Variants in H2BC5 observed in about 807,000 individuals in gnomAD.
H2BC5 encodes the protein histone H2B type 1-D.
H2BC5 carries 9 observed loss-of-function variants against 5.7 expected under a neutral mutation model. The observed-to-expected ratio is 1.57, with a 90% CI of 0.95 to 2.74. The LOEUF (loss-of-function observed/expected upper bound fraction) is 2.74. Among genes scored for constraint, H2BC5 ranks in the 30% most tolerant of loss-of-function variants. The pLI is 0.00. For synonymous variants in H2BC5, 133 were observed against 70.9 expected (o/e 1.88, Z -4.40); for missense variants, 175 against 168.8 (o/e 1.04, Z -0.20).
chr6:26,159,787 A>C (rs1205535180), downstream of H2BC5, among the ~76,000 whole-genome samples: 1 of 152,214 alleles, frequency 6.6e-6, no homozygotes, highest in African/African-American at 2.4e-5. Flanking sequence ...TACATTTTCC[A>C]TAACATGGCA....
downstream of H2BC5, among the ~76,000 whole-genome samples, chr6:26,159,251 T>G (rs1490484208): frequency 2.9e-5 from 4 of 138,548 alleles, no homozygotes; most frequent in East Asian, 6.2e-4. Flanking sequence ...AGGTTTTTTT[T>G]TTTTTTTTTT....
Position 26,158,126 on chromosome 6 carries a change from T to C in H2BC5, c.-44T>C, listed in dbSNP as rs761486063. ...AACAGGGCCTCGGCGGGAGTGATTA[T>C]TTTCTCAGGTGTTTGCAACAGTGTT... On this transcript the variant is annotated 5_prime_UTR_variant, in exon 1 of 1. Coordinates refer to ENST00000377777, the MANE Select transcript of H2BC5 (RefSeq NM_021063.4). 17 of 1,575,258 alleles carry C rather than the reference T, an allele frequency of 1.1e-5. No homozygotes were observed. The highest frequency in any genetic ancestry group is 1.2e-5 in the Non-Finnish European group (14 of 1,162,226).
At chr6:26,168,829 T>C (rs1355404488) in intron 1 of H2BC5, among the ~76,000 whole-genome samples, 5 of 152,320 alleles carry the variant, frequency 3.3e-5, no homozygotes, top group Middle Eastern at 3.4e-3. Context: ...AGCAGCTACT[T>C]TTTAAAAAAT....
In H2BC5 at chr6:26,158,457, G is replaced by T. The variant is rs747681852; in HGVS notation, c.288G>T (p.Gln96His). ...CGACCATCACCTCCAGGGAGATCCAGACGGCCGTGCGCCTGCTGCTTCCGG... is the reference window on the plus strand; with the variant it reads ...CGACCATCACCTCCAGGGAGATCCATACGGCCGTGCGCCTGCTGCTTCCGG... ...KRSTITSREI[Q>H]TAVRLLLPGE... The change falls in exon 1 of 1, where the codon CAG becomes CAT. Residue 96 changes from glutamine (Q) to histidine (H), a missense_variant. Transcript: ENST00000377777. 1 of 1,614,270 alleles carries T rather than the reference G, an allele frequency of 6.2e-7. No homozygotes were observed. Among genetic ancestry groups the T allele is most frequent in the Non-Finnish European group, 8.5e-7 (1 of 1,180,054 alleles).
downstream of H2BC5, chr6:26,160,773 G>GC (rs1764338282): frequency 6.6e-6 from 1 of 151,984 alleles, no homozygotes; most frequent in Admixed American, 6.6e-5. Context: ...GGAGGATGAG[G>GC]CAGGAGAATC....
At position 26,169,758 on chromosome 6, in the gene H2BC5, A is replaced by G. The variant is rs538746810; in HGVS notation, c.*10-1217A>G. On this transcript the variant is annotated intron_variant, in intron 1 of 1. Coordinates refer to the H2BC5 transcript ENST00000289316. ...GGCAGATCATGAGGTCAGGAGTTCC[A>G]GACCAGCCTGGCCAATATGGTGAAA... 5.9e-5 allele frequency among the ~76,000 whole-genome samples: 9 copies of G among 152,184 alleles called. No homozygotes were observed. The South Asian group carries it at 1.9e-3, about 32-fold the overall frequency.
chr6:26,159,250 T>TG (rs1764306088), downstream of H2BC5, among the ~76,000 whole-genome samples: 3 of 137,936 alleles, frequency 2.2e-5, no homozygotes. Flanking sequence ...TAGGTTTTTT[T>TG]TTTTTTTTTT....
In H2BC5 at chr6:26,158,591, CTT is replaced by C. The variant is rs778426157; in HGVS notation, c.*44_*45del. 5 of 1,598,252 alleles carry C rather than the reference CTT, an allele frequency of 3.1e-6. No homozygotes were observed. Among genetic ancestry groups the C allele is most frequent in the South Asian group, 2.2e-5 (2 of 89,210 alleles). ...ATCTTTACACCTAATCCCAAAGGCT[CTT>C]TTAAGAGCCACGCATGTTTTCAATA... is the stretch of plus-strand genomic sequence containing the variant. On this transcript the variant is annotated 3_prime_UTR_variant, in exon 1 of 1. Coordinates refer to ENST00000377777, the MANE Select transcript of H2BC5 (RefSeq NM_021063.4).
chr6:26,158,523 C>G lies in H2BC5; in HGVS notation c.354C>G (p.Ala118=), dbSNP rs541069056. ...ACGCCGTGTCGGAGGGCACCAAGGC[C>G]GTCACCAAGTACACCAGTTCCAAGT... ...AKHAVSEGTK[A]VTKYTSSK Residue 118 remains alanine, a synonymous_variant, in exon 1 of 1, where the codon GCC becomes GCG. Transcript: ENST00000377777. The G allele has an allele frequency of 1.9e-6, 3 of 1,614,268 alleles. No individual in the cohort carries two copies. Among genetic ancestry groups the G allele is most frequent in the East Asian group, 2.2e-5 (1 of 44,882 alleles).
At chr6:26,161,764 C>T (rs1764355058), downstream of H2BC5, among the ~76,000 whole-genome samples, 1 of 151,970 alleles carries the variant, frequency 6.6e-6, no homozygotes, top group South Asian at 2.1e-4. Flanking sequence ...GAGAGTGAGA[C>T]CTTGTCTCAA....
downstream of H2BC5, among the ~76,000 whole-genome samples, chr6:26,161,409 A>G (rs146952499): frequency 3.3e-3 from 506 of 152,282 alleles, 2 homozygotes; most frequent in African/African-American, 0.011. Context: ...AATTTAATAA[A>G]CTATGTAATC....
At chr6:26,166,311 A>G (rs1764422806) in intron 1 of H2BC5, among the ~76,000 whole-genome samples, 2 of 152,244 alleles carry the variant, frequency 1.3e-5, no homozygotes, top group South Asian at 2.1e-4. Context: ...CCATGTCTCA[A>G]ACCATGGTCT....
chr6:26,159,956 A>AC (rs1289156102), downstream of H2BC5, among the ~76,000 whole-genome samples: 1 of 152,212 alleles, frequency 6.6e-6, no homozygotes. Context: ...GTGGAAACTG[A>AC]CCAGGGTATA....
At chr6:26,163,223 C>T (rs1764375991), downstream of H2BC5, 1 of 151,980 alleles carries the variant, frequency 6.6e-6, no homozygotes, top group African/African-American at 2.4e-5. Context: ...AAACGATTCT[C>T]CTACCTCAGC....
chr6:26,161,516 A>T (rs902235410), downstream of H2BC5, among the ~76,000 whole-genome samples: 1 of 152,150 alleles, frequency 6.6e-6, no homozygotes, highest in African/African-American at 2.4e-5. Context: ...CATGCTTGTA[A>T]TCCCAGCACT....
Position 26,158,298 on chromosome 6 carries a change from C to T in H2BC5, c.129C>T (p.Tyr43=). 4 of 1,614,256 alleles carry T rather than the reference C, an allele frequency of 2.5e-6. No homozygotes were observed. The highest frequency in any genetic ancestry group is 1.1e-5 in the South Asian group (1 of 91,086). The part of the protein sequence containing the change: ...SRKESYSVYV[Y]KVLKQVHPDT... ...AGGAGAGCTATTCAGTGTATGTGTA[C>T]AAGGTGCTGAAGCAGGTCCATCCCG... Residue 43 remains tyrosine, a synonymous_variant, in exon 1 of 1, where the codon TAC becomes TAT. Coordinates refer to ENST00000377777, the MANE Select transcript of H2BC5 (RefSeq NM_021063.4).
At chr6:26,167,896 TA>T (rs1268147665) in intron 1 of H2BC5, among the ~76,000 whole-genome samples, 2 of 151,840 alleles carry the variant, frequency 1.3e-5, no homozygotes, top group African/African-American at 4.8e-5. Flanking sequence ...TATTTATTTT[TA>T]TTTTTTTATT....
In H2BC5 at chr6:26,163,744, C is replaced by T. The variant is rs151204040; in HGVS notation, c.*9+5185C>T. On this transcript the variant is annotated intron_variant, in intron 1 of 1. Transcript: ENST00000289316. ...CGCAATGCCTTTTGTGAACAAGATT[C>T]GAAACTTACACACTTCTGCCACACT... 682 of 153,674 alleles carry T rather than the reference C, an allele frequency of 4.4e-3. 7 individuals are homozygous for T. Among genetic ancestry groups the T allele is most frequent in the African/African-American group, 9.3e-3 (385 of 41,514 alleles). The allele number at this position is 153,674 out of a possible 1,614,324, so 9.5% of individuals were successfully genotyped here. A position where few individuals can be genotyped will look rare whatever the true frequency, so the allele number is the denominator to read the frequency against.
chr6:26,158,624 G>C (rs1764284206), downstream of H2BC5: 3 of 1,571,616 alleles, frequency 1.9e-6, no homozygotes, highest in Non-Finnish European at 2.6e-6. Flanking sequence ...CAATAAATGA[G>C]TTGTAATCAT....
Sources: gnomAD v4.1 joint callset for allele counts (sites outside exome capture counted in the v4.1 genomes callset) on GRCh38, gnomAD v4.1.1 for gene constraint, MANE v1.5 for transcripts, NCBI Gene and HGNC (gene_info 2026-07-23, HGNC 2026-07-21) for gene names.